Variants in AIF1L observed in about 807,000 individuals in gnomAD.
The protein encoded by AIF1L is allograft inflammatory factor 1 like.
Under a neutral mutation model 20.7 loss-of-function variants are expected in AIF1L, and 12 were observed. That is an observed-to-expected ratio of 0.58 (90% CI 0.37 to 0.94). The LOEUF is 0.94. Ranked by LOEUF, AIF1L falls within the 40% of genes least tolerant of loss-of-function variation. The pLI, the probability that AIF1L is intolerant of heterozygous loss-of-function variation, is 0.01. For synonymous variants in AIF1L, 76 were observed against 65.1 expected, an observed-to-expected ratio of 1.17 and a Z score of -0.81; for missense variants, 173 against 185.3, an observed-to-expected ratio of 0.93 and a Z score of 0.39.
chr9:131,120,806 T>C lies in AIF1L; in HGVS notation c.*484T>C. 2.5e-6 allele frequency: 1 copy of C among 394,686 alleles called. No individual in the cohort carries two copies. The allele number at this position is 394,686 out of a possible 1,614,324, so 24.4% of individuals were successfully genotyped here. ...TTGGACAGTGCCATGGCTCCAGTGC[T>C]CTGGTGTCACCCAGGACACAGCCAC... On this transcript the variant is annotated 3_prime_UTR_variant, in exon 6 of 6. Coordinates refer to ENST00000247291, the MANE Select transcript of AIF1L (RefSeq NM_031426.4).
Position 131,098,863 on chromosome 9 carries a change from G to T in AIF1L, c.93+2000G>T, listed in dbSNP as rs1830581434. ...GCTTGCAGCCCAGCGTCCTTCCCCT[G>T]CCAAGACGCTGTACTGAGACCCACC... On this transcript the variant is annotated intron_variant, in intron 2 of 5. Transcript: ENST00000247291. Among the ~76,000 whole-genome samples the T allele has an allele frequency of 2.0e-5, 3 of 152,150 alleles. No homozygotes were observed. The South Asian group carries it at 6.2e-4, about 32-fold the overall frequency.
chr9:131,109,352 A>G (rs1830822748), intron 2 of AIF1L, among the ~76,000 whole-genome samples: 1 of 152,124 alleles, frequency 6.6e-6, no homozygotes, highest in Admixed American at 6.5e-5. Flanking sequence ...TGAGGCCAGG[A>G]GTTCAAGACC....
In AIF1L at chr9:131,121,169, C is replaced by T. The variant is rs942378756; in HGVS notation, c.*847C>T. ...AGGAGTAAAATGCTCACGGCAAAGT[C>T]AGCAGCACTGGTAAGCCAAGACTGA... is the stretch of plus-strand genomic sequence containing the variant. On this transcript the variant is annotated 3_prime_UTR_variant, in exon 6 of 6. Coordinates refer to ENST00000247291, the MANE Select transcript of AIF1L (RefSeq NM_031426.4). 2.8e-6 allele frequency: 2 copies of T among 708,202 alleles called. No homozygotes were observed. The highest frequency in any genetic ancestry group is 1.7e-5 in the African/African-American group (1 of 57,158). The allele number at this position is 708,202 out of a possible 1,614,324, so 43.9% of individuals were successfully genotyped here.
rs7023362 is a variant in AIF1L, at chr9:131,109,858, C to T, written c.94-1739C>T. ...ATGCAGGCTCCAAATGAGATGGAGC[C>T]GAGTTGAAGCTCTGGCTTATGAGCC... On this transcript the variant is annotated intron_variant, in intron 2 of 5. Coordinates refer to ENST00000247291, the MANE Select transcript of AIF1L (RefSeq NM_031426.4). 7.8e-3 allele frequency among the ~76,000 whole-genome samples: 1,184 copies of T among 152,196 alleles called. 13 individuals carry two copies. The highest frequency in any genetic ancestry group is 0.026 in the African/African-American group (1,100 of 41,516).
At chr9:131,103,569 G>C (rs1328398359) in intron 2 of AIF1L, among the ~76,000 whole-genome samples, 1 of 152,236 alleles carries the variant, frequency 6.6e-6, no homozygotes, top group Non-Finnish European at 1.5e-5. Flanking sequence ...GCTTGAGTCT[G>C]TGAGGTTGAG....
chr9:131,096,560 C>T lies in AIF1L; in HGVS notation c.-70C>T, dbSNP rs927334373. ...GCAGCTAGCCGGAGCCCGGACCAGG[C>T]GCCTGTGCCTCCTCCTCGTCCCTCG... On this transcript the variant is annotated 5_prime_UTR_variant, in exon 1 of 6. Coordinates refer to ENST00000247291, the MANE Select transcript of AIF1L (RefSeq NM_031426.4). The T allele has an allele frequency of 1.4e-6, 2 of 1,470,148 alleles. No individual in the cohort carries two copies. Among genetic ancestry groups the T allele is most frequent in the Non-Finnish European group, 1.8e-6 (2 of 1,116,424 alleles). 91.1% of individuals were successfully genotyped at this position (1,470,148 alleles called of 1,614,324 possible).
chr9:131,117,941 G>C, intron 5 of AIF1L, 23 bp downstream of exon 5: 1 of 1,588,238 alleles, frequency 6.3e-7, no homozygotes, highest in Middle Eastern at 1.7e-4. Context: ...TTCCTCCCTT[G>C]GGATCTCTGA....
intron 2 of AIF1L, among the ~76,000 whole-genome samples, chr9:131,097,914 C>T (rs918302024): frequency 4.6e-5 from 7 of 152,248 alleles, no homozygotes; most frequent in African/African-American, 1.7e-4. Flanking sequence ...TCCCAGTTTC[C>T]TTCTTAACTG....
intron 2 of AIF1L, among the ~76,000 whole-genome samples, chr9:131,098,524 G>C (rs934128437): frequency 6.6e-6 from 1 of 152,146 alleles, no homozygotes; most frequent in African/African-American, 2.4e-5. Flanking sequence ...CACAGCCAGC[G>C]GGACCCTGAG....
chr9:131,103,363 C>A (rs744305), intron 2 of AIF1L, among the ~76,000 whole-genome samples: 2,499 of 152,324 alleles, frequency 0.016, 78 homozygotes, highest in African/African-American at 0.058. Context: ...AGGAGCACAG[C>A]ATGGTCGGTG....
intron 2 of AIF1L, among the ~76,000 whole-genome samples, chr9:131,110,242 G>A (rs1203489497): frequency 2.6e-5 from 4 of 152,060 alleles, no homozygotes; most frequent in African/African-American, 4.8e-5. Flanking sequence ...TCCCTCTTGG[G>A]ACTCCTAGGA....
intron 3 of AIF1L, 125 bp from the exon 4 acceptor site, chr9:131,114,452 G>T: frequency 1.9e-6 from 2 of 1,048,248 alleles, no homozygotes; most frequent in Non-Finnish European, 3.0e-6. Context: ...CAAGACCCTT[G>T]GTAGGGTGCG....
intron 2 of AIF1L, chr9:131,111,393 C>G (rs1830879670): frequency 1.7e-6 from 1 of 584,388 alleles, no homozygotes; most frequent in South Asian, 2.1e-5. Flanking sequence ...CCTCCCCAAG[C>G]TGCTGGGCAA....
chr9:131,113,645 G>A (rs143522297), intron 3 of AIF1L, among the ~76,000 whole-genome samples: 93 of 152,068 alleles, frequency 6.1e-4, no homozygotes, highest in African/African-American at 2.1e-3. Flanking sequence ...GTGTGACAAA[G>A]TGAGATGGAG....
chr9:131,098,642 C>T (rs368060105), intron 2 of AIF1L, among the ~76,000 whole-genome samples: 3 of 151,918 alleles, frequency 2.0e-5, no homozygotes, highest in African/African-American at 7.3e-5. Flanking sequence ...GGGGAGGGGG[C>T]GGCTCCAGGG....
At chr9:131,102,448 C>T (rs73658923) in intron 2 of AIF1L, among the ~76,000 whole-genome samples, 2,506 of 152,312 alleles carry the variant, frequency 0.016, 78 homozygotes, top group African/African-American at 0.058. Context: ...TGGGCACCCA[C>T]CTCTCTTGCT....
intron 2 of AIF1L, among the ~76,000 whole-genome samples, chr9:131,097,949 C>T (rs1830561112): frequency 1.3e-5 from 2 of 152,262 alleles, no homozygotes; most frequent in African/African-American, 4.8e-5. Context: ...CCCGCTGAAA[C>T]AAGGCTTGGC....
At chr9:131,109,648 CCCTGTGCTT>C (rs1221956961) in intron 2 of AIF1L, among the ~76,000 whole-genome samples, 1 of 152,148 alleles carries the variant, frequency 6.6e-6, no homozygotes, top group Non-Finnish European at 1.5e-5. Flanking sequence ...GGGGAACAGG[CCCTGTGCTT>C]CCCCATCTGA....
chr9:131,113,821 T>C (rs1830947478), intron 3 of AIF1L: 1 of 151,984 alleles, frequency 6.6e-6, no homozygotes, highest in Non-Finnish European at 1.5e-5. Context: ...GGCCTCGGCT[T>C]TCTCTGCTGG....
Sources: allele counts gnomAD v4.1 joint callset (sites outside exome capture counted in the v4.1 genomes callset), GRCh38; gene constraint gnomAD v4.1.1; transcripts MANE v1.5; gene names NCBI Gene and HGNC (gene_info 2026-07-23, HGNC 2026-07-21).